The following CSMD1 variants were observed in gnomAD, a reference collection of about 807,000 sequenced individuals.
CSMD1 encodes the protein CUB and sushi domain-containing protein 1.
A neutral mutation model predicts 417.5 loss-of-function variants in CSMD1; 213 were observed. That is an observed-to-expected ratio of 0.51 (90% CI 0.46 to 0.57). The LOEUF is 0.57. Ranked by LOEUF, CSMD1 falls within the 20% of genes least tolerant of loss-of-function variation. CSMD1 has a pLI of 0.00. For synonymous variants in CSMD1, 2,862 were observed against 1,736.8 expected (o/e 1.65, Z -16.11); for missense variants, 6,923 against 4,529.7 (o/e 1.53, Z -15.17).
intron 4 of CSMD1, among the ~76,000 whole-genome samples, chr8:4,029,612 G>A (rs1050821461): frequency 4.6e-5 from 7 of 152,114 alleles, no homozygotes; most frequent in African/African-American, 1.7e-4. Flanking sequence ...AATTCAAGAT[G>A]AGGTTTTGGT....
chr8:4,612,710 T>A (rs1324787742), intron 2 of CSMD1, among the ~76,000 whole-genome samples: 2 of 152,190 alleles, frequency 1.3e-5, no homozygotes, highest in Non-Finnish European at 2.9e-5. Context: ...TCTCAGGGTA[T>A]GGAGGCTGGT....
intron 36 of CSMD1, among the ~76,000 whole-genome samples, chr8:3,182,535 C>T (rs1279967360): frequency 6.7e-6 from 1 of 149,954 alleles, no homozygotes; most frequent in African/African-American, 2.5e-5. Flanking sequence ...TTGATCAGAC[C>T]AATAACCCCA....
intron 2 of CSMD1, among the ~76,000 whole-genome samples, chr8:4,450,675 G>C (rs913203168): frequency 1.3e-5 from 2 of 152,158 alleles, no homozygotes; most frequent in Non-Finnish European, 2.9e-5. Flanking sequence ...CCACTGTCTT[G>C]CACTGTATCC....
intron 5 of CSMD1, among the ~76,000 whole-genome samples, chr8:3,950,159 GAAGA>G (rs1427640107): frequency 6.6e-6 from 1 of 152,128 alleles, no homozygotes; most frequent in African/African-American, 2.4e-5. Context: ...CTGACTTACA[GAAGA>G]AAGGTAAACC....
chr8:4,226,650 A>C (rs1801374967), intron 3 of CSMD1, among the ~76,000 whole-genome samples: 1 of 152,200 alleles, frequency 6.6e-6, no homozygotes, highest in South Asian at 2.1e-4. Context: ...AAATAATTAC[A>C]GTATAATCAT....
intron 8 of CSMD1, among the ~76,000 whole-genome samples, chr8:3,605,640 A>G (rs117017496): frequency 0.025 from 3,870 of 152,316 alleles, 72 homozygotes; most frequent in Middle Eastern, 0.075. Context: ...TTCATAAAGC[A>G]TATTTCAAAA....
intron 3 of CSMD1, among the ~76,000 whole-genome samples, chr8:4,332,819 G>C (rs1042169086): frequency 6.6e-6 from 1 of 151,774 alleles, no homozygotes; most frequent in Non-Finnish European, 1.5e-5. Flanking sequence ...AAGTTTTCAG[G>C]GAAACTTTAT....
chr8:3,385,329 G>C (rs1266522455), intron 18 of CSMD1, among the ~76,000 whole-genome samples: 2 of 93,640 alleles, frequency 2.1e-5, no homozygotes, highest in African/African-American at 9.3e-5. Context: ...ATTATTCCTG[G>C]ATAATTTTTT....
chr8:4,516,792 C>T (rs949076581), intron 2 of CSMD1, among the ~76,000 whole-genome samples: 3 of 152,084 alleles, frequency 2.0e-5, no homozygotes, highest in Non-Finnish European at 4.4e-5. Context: ...TCTTGTTGAC[C>T]AACCCAGGAG....
In CSMD1 at chr8:4,898,219, A is replaced by G. The variant is rs368837799; in HGVS notation, c.85+96113T>C. ...ATTGCAAATGGAATGATTAAAACGC[A>G]CACATGAACGGAGAGCATCGGGGTG... On this transcript the variant is annotated intron_variant, in intron 1 of 69. Coordinates refer to ENST00000635120, the MANE Select transcript of CSMD1 (RefSeq NM_033225.6). 2.0e-3 allele frequency among the ~76,000 whole-genome samples: 308 copies of G among 152,282 alleles called. 3 individuals carry two copies. The highest frequency in any genetic ancestry group is 0.017 in the Middle Eastern group (5 of 294).
intron 3 of CSMD1, among the ~76,000 whole-genome samples, chr8:4,156,782 G>A (rs1029250965): frequency 2.0e-5 from 3 of 152,114 alleles, no homozygotes; most frequent in Non-Finnish European, 2.9e-5. Context: ...CAGACTTTTG[G>A]GAAGGGCCCA....
At chr8:3,006,721 T>A (rs1421661002) in intron 52 of CSMD1, among the ~76,000 whole-genome samples, 2 of 151,768 alleles carry the variant, frequency 1.3e-5, no homozygotes, top group Admixed American at 6.6e-5. Flanking sequence ...GCTAGCCATA[T>A]GTAGAAAGCT....
chr8:3,381,635 AGTT>A (rs1810633254), intron 18 of CSMD1, among the ~76,000 whole-genome samples: 1 of 152,190 alleles, frequency 6.6e-6, no homozygotes, highest in Non-Finnish European at 1.5e-5. Context: ...ATTAGCCAGT[AGTT>A]ATCATCCTTC....
At chr8:4,642,840 T>A (rs1803283077) in intron 1 of CSMD1, among the ~76,000 whole-genome samples, 1 of 152,186 alleles carries the variant, frequency 6.6e-6, no homozygotes, top group African/African-American at 2.4e-5. Context: ...ATCAAAGATA[T>A]TTTGACATGT....
At chr8:4,088,051 A>T (rs754702090) in intron 3 of CSMD1, among the ~76,000 whole-genome samples, 82 of 152,298 alleles carry the variant, frequency 5.4e-4, no homozygotes, top group Admixed American at 8.5e-4. Context: ...CAGCACCATG[A>T]CCTTTGACAA....
chr8:4,200,489 A>C (rs189174635), intron 3 of CSMD1, among the ~76,000 whole-genome samples: 2 of 152,284 alleles, frequency 1.3e-5, no homozygotes, highest in Admixed American at 6.5e-5. Flanking sequence ...CTCAGAGATA[A>C]TCACTTAGGT....
At chr8:3,686,755 A>C (rs1346590697) in intron 7 of CSMD1, among the ~76,000 whole-genome samples, 1 of 152,200 alleles carries the variant, frequency 6.6e-6, no homozygotes, top group Non-Finnish European at 1.5e-5. Context: ...TTCTTTGTCC[A>C]AGCCAGTCTA....
intron 1 of CSMD1, among the ~76,000 whole-genome samples, chr8:4,724,440 C>T (rs985641714): frequency 2.0e-5 from 3 of 151,524 alleles, no homozygotes; most frequent in Non-Finnish European, 4.4e-5. Context: ...ATAACAGATT[C>T]AAATATAATA....
chr8:2,947,478 T>G (rs745452821), intron 68 of CSMD1, among the ~76,000 whole-genome samples: 4 of 152,186 alleles, frequency 2.6e-5, no homozygotes, highest in Non-Finnish European at 2.9e-5. Flanking sequence ...AAGTAAACTG[T>G]TTTTCCTGAC....
Sources: allele counts gnomAD v4.1 joint callset (sites outside exome capture counted in the v4.1 genomes callset), GRCh38; gene constraint gnomAD v4.1.1; transcripts MANE v1.5; gene names NCBI Gene and HGNC (gene_info 2026-07-23, HGNC 2026-07-21).